Variants in CERS5 observed in about 807,000 individuals in gnomAD.
CERS5 encodes the protein ceramide synthase 5.
A neutral mutation model predicts 58.9 loss-of-function variants in CERS5; 37 were observed. The observed-to-expected ratio is 0.63, with a 90% CI of 0.48 to 0.83. The LOEUF (loss-of-function observed/expected upper bound fraction) is 0.83, where lower values mean the gene tolerates loss of function less well. Ranked by LOEUF, CERS5 falls within the 40% of genes least tolerant of loss-of-function variation. CERS5 has a pLI of 0.00. For missense variants in CERS5, 398 were observed against 489.3 expected, an observed-to-expected ratio of 0.81 and a Z score of 1.76; for synonymous variants, 147 against 177.8, an observed-to-expected ratio of 0.83 and a Z score of 1.38.
chr12:50,162,206 T>TTTA (rs71083514), intron 1 of CERS5, among the ~76,000 whole-genome samples: 1 of 145,286 alleles, frequency 6.9e-6, no homozygotes, highest in Non-Finnish European at 1.5e-5. Flanking sequence ...TTTTTTTTTT[T>TTTA]AAATGTATAT....
intron 1 of CERS5, among the ~76,000 whole-genome samples, chr12:50,149,132 T>C (rs1315921327): frequency 1.3e-5 from 2 of 151,956 alleles, no homozygotes; most frequent in African/African-American, 2.4e-5. Context: ...CCTGAGATCA[T>C]AGTTTGAAAA....
chr12:50,131,568 A>G (rs1053220684), intron 9 of CERS5, among the ~76,000 whole-genome samples: 2 of 128,242 alleles, frequency 1.6e-5, no homozygotes, highest in African/African-American at 3.2e-5. Context: ...CAAAAAAAAA[A>G]AAAAAAAAAG....
rs552408353 is a variant in CERS5, at chr12:50,156,329, G to C, written c.197+10772C>G. On this transcript the variant is annotated intron_variant, in intron 1 of 9. Coordinates refer to ENST00000317551, the MANE Select transcript of CERS5 (RefSeq NM_147190.5). The stretch of plus-strand genomic sequence containing the variant: ...CAAGGCAGGAGAATGGCGTGAACCT[G>C]GGAGGCAGAGCTTGCAGTGAGCCAA... Among the ~76,000 whole-genome samples, 13 of 148,272 alleles carry C rather than the reference G, an allele frequency of 8.8e-5. No homozygotes were observed. The East Asian group carries it at 2.3e-3, about 27-fold the overall frequency.
At chr12:50,139,529 C>T (rs1318498229) in intron 4 of CERS5, among the ~76,000 whole-genome samples, 1 of 151,028 alleles carries the variant, frequency 6.6e-6, no homozygotes, top group Non-Finnish European at 1.5e-5. Context: ...CGTGGTGGCT[C>T]ACGCCTGTAA....
intron 9 of CERS5, among the ~76,000 whole-genome samples, chr12:50,130,968 C>CTG (rs1951285923): frequency 6.6e-6 from 1 of 152,228 alleles, no homozygotes; most frequent in Non-Finnish European, 1.5e-5. Flanking sequence ...AGAGAACTGA[C>CTG]ATCATTCACT....
chr12:50,166,991 C>T, intron 1 of CERS5, 110 bp downstream of exon 1: 1 of 931,348 alleles, frequency 1.1e-6, no homozygotes, highest in Non-Finnish European at 1.5e-6. Flanking sequence ...TCCCCCAGCC[C>T]CTGCTTCCGG....
intron 1 of CERS5, among the ~76,000 whole-genome samples, chr12:50,158,787 T>C: frequency 6.6e-6 from 1 of 152,210 alleles, no homozygotes; most frequent in Non-Finnish European, 1.5e-5. Flanking sequence ...GACTGCTTAC[T>C]AATGCTGACA....
Position 50,167,271 on chromosome 12 carries a change from T to G in CERS5, c.27A>C (p.Leu9=). ...TCCACAGCCAGCCCCACAGCAAGCT[T>G]AGGGGTCCCTGCGCTGCTGTCGCCA... MATAAQGP[L]SLLWGWLWSE... Residue 9 remains leucine, a synonymous_variant, in exon 1 of 10, where the codon CTA becomes CTC. Coordinates refer to ENST00000317551, the MANE Select transcript of CERS5 (RefSeq NM_147190.5). 1 of 1,571,352 alleles carries G rather than the reference T, an allele frequency of 6.4e-7. No homozygotes were observed.
At chr12:50,151,095 A>G (rs764702779) in intron 1 of CERS5, among the ~76,000 whole-genome samples, 8 of 151,722 alleles carry the variant, frequency 5.3e-5, no homozygotes, top group Non-Finnish European at 1.0e-4. Flanking sequence ...CAAGTTTTTC[A>G]CATCTTAAAA....
At chr12:50,158,607 G>A (rs771599674) in intron 1 of CERS5, among the ~76,000 whole-genome samples, 1 of 152,122 alleles carries the variant, frequency 6.6e-6, no homozygotes, top group Non-Finnish European at 1.5e-5. Context: ...TTATCCTCCT[G>A]GGTCATCAGA....
chr12:50,142,473 A>G (rs1280759124), intron 3 of CERS5, among the ~76,000 whole-genome samples: 1 of 146,586 alleles, frequency 6.8e-6, no homozygotes, highest in East Asian at 2.2e-4. Context: ...TCGCTTGGAC[A>G]TGGGAGGCGG....
intron 1 of CERS5, among the ~76,000 whole-genome samples, chr12:50,146,846 CA>C (rs10714679): frequency 0.36 from 37,412 of 104,624 alleles, 4,240 homozygotes; most frequent in African/African-American, 0.45. Flanking sequence ...GACTCCGTCT[CA>C]AAAAAAAAAA....
chr12:50,133,026 GTGGAGAGTACAGGGTC>G, intron 9 of CERS5: 1 of 1,289,178 alleles, frequency 7.8e-7, no homozygotes, highest in Non-Finnish European at 1.0e-6. Flanking sequence ...TGAGGAAAGA[GTGGAGAGTACAGGGTC>G]TAATCCTTCC....
intron 1 of CERS5, among the ~76,000 whole-genome samples, chr12:50,158,982 G>T (rs890301733): frequency 4.6e-5 from 7 of 151,694 alleles, no homozygotes; most frequent in African/African-American, 1.7e-4. Flanking sequence ...ATGTAAAAAG[G>T]CAAAATTATA....
chr12:50,155,661 C>T (rs572377579), intron 1 of CERS5, among the ~76,000 whole-genome samples: 18 of 129,506 alleles, frequency 1.4e-4, no homozygotes, highest in Admixed American at 4.8e-4. Flanking sequence ...GGCGTGAACC[C>T]GGGAGGCAGA....
intron 1 of CERS5, among the ~76,000 whole-genome samples, chr12:50,148,921 A>AT (rs1218104568): frequency 8.9e-5 from 7 of 78,962 alleles, no homozygotes; most frequent in Middle Eastern, 7.8e-3. Context: ...AAAAAAAAAA[A>AT]AAAAAAATAT....
In CERS5 at chr12:50,143,060, C is replaced by T; in HGVS notation, c.434+14G>A. On this transcript the variant is annotated intron_variant, in intron 3 of 9. Transcript: ENST00000317551. ...CGTCTTCCTTATTCCCTCCCTCCCT[C>T]CTTGCGTACTTACATGCTTTCACAG... is the stretch of plus-strand genomic sequence containing the variant. The T allele has an allele frequency of 6.3e-7, 1 of 1,593,748 alleles. No homozygotes were observed. Among genetic ancestry groups the T allele is most frequent in the Non-Finnish European group, 8.6e-7 (1 of 1,167,388 alleles).
chr12:50,142,972 A>T (rs1026041221), intron 3 of CERS5, 102 bp downstream of exon 3: 17 of 1,245,884 alleles, frequency 1.4e-5, no homozygotes, highest in Non-Finnish European at 1.9e-5. Flanking sequence ...TATATCCATT[A>T]ACTGTTGTCC....
Position 50,130,100 on chromosome 12 carries a change from G to GAAC in CERS5, c.*442_*444dup, listed in dbSNP as rs1320879343. ...AGGAACAGTACAGAAATGTGGGACT[G>GAAC]AACTTGGCTGCTCCATTCAGATGGT... On this transcript the variant is annotated 3_prime_UTR_variant, in exon 10 of 10. Coordinates refer to ENST00000317551, the MANE Select transcript of CERS5 (RefSeq NM_147190.5). The GAAC allele has an allele frequency of 6.5e-6, 1 of 154,726 alleles. No homozygotes were observed. The highest frequency in any genetic ancestry group is 2.4e-5 in the African/African-American group (1 of 41,528). 9.6% of individuals were successfully genotyped at this position (154,726 alleles called of 1,614,324 possible).
Sources: allele counts gnomAD v4.1 joint callset (sites outside exome capture counted in the v4.1 genomes callset), GRCh38; gene constraint gnomAD v4.1.1; transcripts MANE v1.5; gene names NCBI Gene and HGNC (gene_info 2026-07-23, HGNC 2026-07-21).